Variants in MAPK10 observed in about 807,000 individuals in gnomAD.
The protein encoded by MAPK10 is JNK3 alpha protein kinase.
Under a neutral mutation model 59.3 loss-of-function variants are expected in MAPK10, and 25 were observed. The observed-to-expected ratio is 0.42, with a 90% CI of 0.31 to 0.59. The LOEUF (loss-of-function observed/expected upper bound fraction) is 0.59, where lower values mean the gene tolerates loss of function less well. Ranked by LOEUF, MAPK10 falls within the 20% of genes least tolerant of loss-of-function variation. The pLI, the probability that MAPK10 is intolerant of heterozygous loss-of-function variation, is 0.15. For missense variants in MAPK10, 351 were observed against 568.9 expected, an observed-to-expected ratio of 0.62 and a Z score of 3.90; for synonymous variants, 190 against 200.5, an observed-to-expected ratio of 0.95 and a Z score of 0.44.
At chr4:86,472,662 A>C (rs1403480827) in intron 1 of MAPK10, among the ~76,000 whole-genome samples, 1 of 152,164 alleles carries the variant, frequency 6.6e-6, no homozygotes, top group Non-Finnish European at 1.5e-5. Context: ...AAAAAAAAAA[A>C]GTTGCAGAGT....
At chr4:86,019,506 A>G (rs962008404) in intron 13 of MAPK10, among the ~76,000 whole-genome samples, 2 of 152,102 alleles carry the variant, frequency 1.3e-5, no homozygotes, top group African/African-American at 2.4e-5. Context: ...CCCCATAGCT[A>G]TGGTACAGAG....
intron 1 of MAPK10, among the ~76,000 whole-genome samples, chr4:86,485,626 A>C (rs896796559): frequency 2.0e-5 from 3 of 152,228 alleles, no homozygotes; most frequent in Admixed American, 1.3e-4. Flanking sequence ...TCATCAGAGA[A>C]AGAATGAGAA....
At chr4:86,148,384 A>G (rs2065520485) in intron 4 of MAPK10, among the ~76,000 whole-genome samples, 2 of 152,226 alleles carry the variant, frequency 1.3e-5, no homozygotes, top group Admixed American at 6.5e-5. Context: ...AAAAGTGGTC[A>G]GCACATTTGA....
intron 3 of MAPK10, among the ~76,000 whole-genome samples, chr4:86,178,204 T>A (rs949195949): frequency 3.3e-5 from 5 of 152,070 alleles, no homozygotes; most frequent in African/African-American, 1.2e-4. Flanking sequence ...TCCTTTGCAT[T>A]TAATCATAGT....
intron 2 of MAPK10, among the ~76,000 whole-genome samples, chr4:86,344,912 C>T (rs767180747): frequency 2.0e-5 from 3 of 152,066 alleles, no homozygotes; most frequent in African/African-American, 4.8e-5. Context: ...CTTGTGCACA[C>T]TAGTCTTTCA....
At position 86,312,223 on chromosome 4, in the gene MAPK10, C is replaced by A. The variant is rs142579397; in HGVS notation, c.-7+42307G>T. On this transcript the variant is annotated intron_variant, in intron 2 of 13. Transcript: ENST00000641462. The stretch of plus-strand genomic sequence containing the variant: ...AGCTTGTGACCACATGAAACAATTT[C>A]TTCTATTTTTGGACAGAACTAATGG... 9.5e-3 allele frequency among the ~76,000 whole-genome samples: 1,444 copies of A among 152,196 alleles called. 22 individuals carry two copies. The highest frequency in any genetic ancestry group is 0.032 in the African/African-American group (1,346 of 41,558).
chr4:86,097,411 A>G (rs2054450538), intron 9 of MAPK10, among the ~76,000 whole-genome samples: 1 of 151,924 alleles, frequency 6.6e-6, no homozygotes, highest in Non-Finnish European at 1.5e-5. Flanking sequence ...GTTTTTTACT[A>G]TTGGACTTTT....
intron 2 of MAPK10, among the ~76,000 whole-genome samples, chr4:86,308,027 AC>A (rs2095601498): frequency 6.6e-6 from 1 of 152,194 alleles, no homozygotes; most frequent in East Asian, 1.9e-4. Context: ...GGTGAATATA[AC>A]AATTAACAGA....
chr4:86,465,169 A>G (rs1424955231), intron 1 of MAPK10, among the ~76,000 whole-genome samples: 5 of 152,174 alleles, frequency 3.3e-5, no homozygotes, highest in Non-Finnish European at 7.4e-5. Context: ...GCTTATGTAC[A>G]TGTATGTGTG....
intron 3 of MAPK10, among the ~76,000 whole-genome samples, chr4:86,172,914 G>C (rs1021022886): frequency 6.6e-6 from 1 of 151,980 alleles, no homozygotes; most frequent in Non-Finnish European, 1.5e-5. Flanking sequence ...AACAAGAGAT[G>C]TGAAGGATCT....
chr4:86,335,566 C>T (rs1720724714), intron 2 of MAPK10, among the ~76,000 whole-genome samples: 1 of 151,982 alleles, frequency 6.6e-6, no homozygotes, highest in South Asian at 2.1e-4. Context: ...CTTTCTTTCT[C>T]CCTCTTTCTC....
intron 1 of MAPK10, among the ~76,000 whole-genome samples, chr4:86,377,108 G>T (rs1294132616): frequency 6.6e-6 from 1 of 152,180 alleles, no homozygotes; most frequent in Non-Finnish European, 1.5e-5. Flanking sequence ...TCCCTGTGAG[G>T]TCGCTATCTT....
chr4:86,465,673 C>T, intron 1 of MAPK10, among the ~76,000 whole-genome samples: 1 of 152,182 alleles, frequency 6.6e-6, no homozygotes. Context: ...AGAGGTTATG[C>T]TTGTGTTTCT....
chr4:86,466,362 C>A (rs1752204158), intron 1 of MAPK10, among the ~76,000 whole-genome samples: 1 of 152,144 alleles, frequency 6.6e-6, no homozygotes, highest in African/African-American at 2.4e-5. Context: ...CTGGTCTGAA[C>A]AAAATGGTCA....
intron 4 of MAPK10, among the ~76,000 whole-genome samples, chr4:86,108,287 G>C (rs1454801121): frequency 6.6e-6 from 1 of 152,020 alleles, no homozygotes; most frequent in Non-Finnish European, 1.5e-5. Flanking sequence ...AAATGAGAAA[G>C]TGAGAGAGGC....
chr4:86,590,125 A>G (rs1762931449), intron 1 of MAPK10, among the ~76,000 whole-genome samples: 1 of 152,208 alleles, frequency 6.6e-6, no homozygotes. Context: ...CATCTAAAGC[A>G]TCTGATAACA....
intron 1 of MAPK10, among the ~76,000 whole-genome samples, chr4:86,478,578 C>T (rs1159836102): frequency 2.0e-5 from 3 of 152,196 alleles, no homozygotes; most frequent in Non-Finnish European, 4.4e-5. Context: ...CTCCCCGGCT[C>T]CTTCAGCTGT....
intron 1 of MAPK10, among the ~76,000 whole-genome samples, chr4:86,581,921 ATATATATATATATAT>A (rs1322838299): frequency 1.6e-5 from 2 of 124,542 alleles, no homozygotes; most frequent in African/African-American, 2.9e-5. Context: ...ATATATATAT[ATATATATATATATAT>A]ATATATATAT....
chr4:86,269,256 G>A (rs1029289310), intron 2 of MAPK10, among the ~76,000 whole-genome samples: 1 of 152,190 alleles, frequency 6.6e-6, no homozygotes, highest in African/African-American at 2.4e-5. Flanking sequence ...ATTAGGCTGT[G>A]TAGTGAGTAC....
Sources: allele counts gnomAD v4.1 joint callset (sites outside exome capture counted in the v4.1 genomes callset), GRCh38; gene constraint gnomAD v4.1.1; transcripts MANE v1.5; gene names NCBI Gene and HGNC (gene_info 2026-07-23, HGNC 2026-07-21).